ZFHX2: variants seen among roughly 807,000 people sequenced by gnomAD.
ZFHX2 encodes the protein zinc finger homeobox 2.
In ZFHX2, 75 loss-of-function variants were observed where a neutral mutation model predicts 164.8. That is an observed-to-expected ratio of 0.46 (90% CI 0.38 to 0.55). The LOEUF is 0.55. ZFHX2 is among the 20% of genes least tolerant of loss of function. The probability of loss-of-function intolerance (pLI) is 0.00; values close to 1 mark genes in which losing one functional copy is unlikely to be tolerated. For missense variants in ZFHX2, 2,933 were observed against 3,308.0 expected, an observed-to-expected ratio of 0.89 and a Z score of 2.78; for synonymous variants, 1,217 against 1,351.4, an observed-to-expected ratio of 0.90 and a Z score of 2.18.
intron 3 of ZFHX2, chr14:23,531,939 CT>C (rs555866773): frequency 9.3e-5 from 45 of 485,400 alleles, no homozygotes; most frequent in Admixed American, 5.1e-4. Flanking sequence ...CCACACCTGG[CT>C]AATTTTTGTA....
Position 23,525,473 on chromosome 14 carries a change from G to T in ZFHX2, c.4469C>A (p.Ser1490Tyr). ...LACGACGKLF[S>Y]NMLILKTHEE... ...GTGTGTCTTGAGGATAAGCATATTGGAGAAGAGTTTCCCACAGGCCCCACA... is the reference window on the plus strand; with the variant it reads ...GTGTGTCTTGAGGATAAGCATATTGTAGAAGAGTTTCCCACAGGCCCCACA... Residue 1490 changes from serine to tyrosine, a missense_variant, in exon 9 of 10, where the codon TCC becomes TAC. Coordinates refer to ENST00000419474, the MANE Select transcript of ZFHX2 (RefSeq NM_033400.3). This position sits in a 1 kb window ranked among gnomAD's most constrained non-coding sequence, Gnocchi z 5.9. 6.5e-7 allele frequency: 1 copy of T among 1,536,082 alleles called. No homozygotes were observed. Among genetic ancestry groups the T allele is most frequent in the Non-Finnish European group, 8.7e-7 (1 of 1,146,896 alleles).
chr14:23,522,564 GT>G lies in ZFHX2; in HGVS notation c.7116del (p.Gln2372HisfsTer6). 1 of 1,527,752 alleles carries G rather than the reference GT, an allele frequency of 6.5e-7. No homozygotes were observed. The highest frequency in any genetic ancestry group is 8.8e-7 in the Non-Finnish European group (1 of 1,141,830). 94.6% of individuals were successfully genotyped at this position (1,527,752 alleles called of 1,614,324 possible). ...AGCCCCTTCTTCATGCCATAGAGCT[GT>G]TGGAAGTAGGCCCCCTGTAGCTGGG... is the stretch of plus-strand genomic sequence containing the variant. ...FGPQLQGAYFQQLYGMKKGLF... is the reference protein window; with the variant it reads ...FGPQLQGAYFXQLYGMKKGLF... On this transcript the variant is annotated frameshift_variant, in exon 10 of 10. Coordinates refer to ENST00000419474, the MANE Select transcript of ZFHX2 (RefSeq NM_033400.3). LOFTEE classifies it high-confidence loss of function.
intron 1 of ZFHX2, among the ~76,000 whole-genome samples, chr14:23,537,840 G>A (rs1233749122): frequency 6.6e-6 from 1 of 152,170 alleles, no homozygotes; most frequent in Non-Finnish European, 1.5e-5. Flanking sequence ...CCACAGGGTG[G>A]GCCACACCGC....
At chr14:23,548,804 T>G (rs1297027631) in intron 1 of ZFHX2, among the ~76,000 whole-genome samples, 1 of 152,198 alleles carries the variant, frequency 6.6e-6, no homozygotes, top group Non-Finnish European at 1.5e-5. Context: ...CTTCGCCCAG[T>G]GGTATTCCTG....
intron 1 of ZFHX2, among the ~76,000 whole-genome samples, chr14:23,538,649 C>T (rs185642881): frequency 1.7e-4 from 26 of 152,202 alleles, no homozygotes; most frequent in Admixed American, 1.0e-3. Flanking sequence ...TCCCTGCGGA[C>T]ACATCTCAGA....
In ZFHX2 at chr14:23,546,335, C is replaced by G. The variant is rs1881379499; in HGVS notation, c.-50+5008G>C. ...AATACAGAAAGAGGGCTCCTGTTCT[C>G]TCATTAGACTTTGGGGTAAAAAATG... On this transcript the variant is annotated intron_variant, in intron 1 of 9. Transcript: ENST00000419474. The surrounding 1 kb of genome is among the most constrained non-coding windows in gnomAD (Gnocchi z 4.7). Among the ~76,000 whole-genome samples, 2 of 152,186 alleles carry G rather than the reference C, an allele frequency of 1.3e-5. No homozygotes were observed. The highest frequency in any genetic ancestry group is 4.8e-5 in the African/African-American group (2 of 41,442).
intron 1 of ZFHX2, chr14:23,543,620 GGGCACT>G (rs1229148203): frequency 6.6e-6 from 1 of 152,330 alleles, no homozygotes; most frequent in Non-Finnish European, 1.5e-5. Flanking sequence ...GTCCATGCAG[GGGCACT>G]GGCCATGCCC....
At chr14:23,536,771 T>G (rs1880190925) in intron 1 of ZFHX2, among the ~76,000 whole-genome samples, 1 of 152,138 alleles carries the variant, frequency 6.6e-6, no homozygotes, top group African/African-American at 2.4e-5. Context: ...AAAGTTGTGG[T>G]CTAGACTCCT....
In ZFHX2 at chr14:23,527,815, C is replaced by T. The variant is rs1040937273; in HGVS notation, c.2935-11G>A. 2.0e-6 allele frequency: 3 copies of T among 1,515,406 alleles called. No individual in the cohort carries two copies. The highest frequency in any genetic ancestry group is 2.0e-5 in the Admixed American group (1 of 50,232). 93.9% of individuals were successfully genotyped at this position (1,515,406 alleles called of 1,614,324 possible). A position where few individuals can be genotyped will look rare whatever the true frequency, so the allele number is the denominator to read the frequency against. On this transcript the variant is annotated splice_polypyrimidine_tract_variant and intron_variant, in intron 6 of 9. Transcript: ENST00000419474. ...TGGACAGCAGTATACCTGGAGGGAA[C>T]ATATGGGCAGTGGACGAAGTGTCAG...
At chr14:23,553,843 G>A (rs7342529), upstream of ZFHX2, among the ~76,000 whole-genome samples, 40 of 151,974 alleles carry the variant, frequency 2.6e-4, no homozygotes, top group African/African-American at 9.4e-4. Flanking sequence ...GCAGTGAGCC[G>A]AGATGGCGCC....
intron 1 of ZFHX2, among the ~76,000 whole-genome samples, chr14:23,538,351 A>G (rs1880420080): frequency 6.9e-6 from 1 of 144,042 alleles, no homozygotes; most frequent in South Asian, 2.3e-4. Flanking sequence ...TTCTTCTCGG[A>G]GCTTCTCCCA....
rs1881858514 is a variant in ZFHX2 at position 23,550,696 on chromosome 14, C to T, written c.-50+647G>A. ...GGATGGGGGTGGTAGGATGGGCGTG[C>T]AGGACAGACACGCTTCACCTTGAAT... On this transcript the variant is annotated intron_variant, in intron 1 of 9. Transcript: ENST00000419474. 2.6e-5 allele frequency among the ~76,000 whole-genome samples: 4 copies of T among 152,174 alleles called. No individual in the cohort carries two copies. The South Asian group carries it at 8.3e-4, about 31-fold the overall frequency.
At position 23,524,113 on chromosome 14, in the gene ZFHX2, G is replaced by A; in HGVS notation, c.5829C>T (p.Phe1943=). ...CATCTACCTTGCCTAATAAGAGGTT[G>A]AACTTGGGCAAGGATGCAGGGGTGG... ...ATATPASLPK[F]NLLLGKVDDG... Residue 1943 remains phenylalanine (F), a synonymous_variant, in exon 9 of 10, where the codon TTC becomes TTT. Coordinates refer to ENST00000419474, the MANE Select transcript of ZFHX2 (RefSeq NM_033400.3). The surrounding 1 kb of genome is among the most constrained non-coding windows in gnomAD (Gnocchi z 5.6). The A allele has an allele frequency of 1.5e-5, 23 of 1,535,100 alleles. No homozygotes were observed. Among genetic ancestry groups the A allele is most frequent in the Non-Finnish European group, 2.0e-5 (23 of 1,146,396 alleles).
At chr14:23,550,789 A>G (rs1299153725) in intron 1 of ZFHX2, among the ~76,000 whole-genome samples, 2 of 152,128 alleles carry the variant, frequency 1.3e-5, no homozygotes, top group African/African-American at 2.4e-5. Context: ...AACTTCAGCC[A>G]AAAACGAACG....
rs527638125 is a variant in ZFHX2, at chr14:23,523,636, A to G, written c.6306T>C (p.Ile2102=). 285 of 1,555,350 alleles carry G rather than the reference A, an allele frequency of 1.8e-4. 2 individuals are homozygous for G. The African/African-American group carries it at 3.5e-3, about 19-fold the overall frequency. Residue 2102 remains isoleucine (I), a synonymous_variant, in exon 9 of 10, where the codon ATT becomes ATC. Coordinates refer to ENST00000419474, the MANE Select transcript of ZFHX2 (RefSeq NM_033400.3). The surrounding 1 kb of genome is among the most constrained non-coding windows in gnomAD (Gnocchi z 4.1). ...CCTGGATGACTCTCTTGGGCAGCCC[A>G]ATCTCCTCTCCCAGCACCTCACACT... ...MQECEVLGEE[I]GLPKRVIQVW... is the part of the protein sequence containing the mutation.
intron 1 of ZFHX2, among the ~76,000 whole-genome samples, chr14:23,538,390 C>T (rs2138829358): frequency 6.6e-6 from 1 of 152,020 alleles, no homozygotes; most frequent in African/African-American, 2.4e-5. Flanking sequence ...AAACCTTTAG[C>T]TGCAGCGATT....
At chr14:23,548,529 G>A (rs995541839) in intron 1 of ZFHX2, 3 of 152,210 alleles carry the variant, frequency 2.0e-5, no homozygotes, top group Non-Finnish European at 2.9e-5. Context: ...GGCAATACCA[G>A]CAATTTATGA....
chr14:23,533,522 G>C lies in ZFHX2; in HGVS notation c.1804C>G (p.Gln602Glu), dbSNP rs909421251. The C allele has an allele frequency of 2.0e-6, 3 of 1,536,116 alleles. No homozygotes were observed. Among genetic ancestry groups the C allele is most frequent in the Non-Finnish European group, 2.6e-6 (3 of 1,146,896 alleles). ...GGTGGCAGGCCCAGCGGCAGCCCCT[G>C]GTGCAGCATTAGGACATTCTGCATG... ...KHMQNVLMLH[Q>E]GLPLGLPPGL... The change falls in exon 2 of 10, where the codon CAG (glutamine) becomes GAG (glutamate). Residue 602 changes from glutamine to glutamate, a missense_variant. Gln to Glu is a conservative substitution (Grantham distance 29, BLOSUM62 2). Coordinates refer to ENST00000419474, the MANE Select transcript of ZFHX2 (RefSeq NM_033400.3). This position sits in a 1 kb window ranked among gnomAD's most constrained non-coding sequence, Gnocchi z 4.8.
At chr14:23,530,507 G>A (rs1879402809) in intron 4 of ZFHX2, 1 of 562,754 alleles carries the variant, frequency 1.8e-6, no homozygotes, top group Admixed American at 2.4e-5. Flanking sequence ...AATGACCCAG[G>A]AAATGGGAAG....
Sources: gnomAD v4.1 joint callset for allele counts (sites outside exome capture counted in the v4.1 genomes callset) on GRCh38, gnomAD v4.1.1 for gene constraint, Gnocchi (gnomAD v3.1) non-coding constraint, MANE v1.5 for transcripts, NCBI Gene and HGNC (gene_info 2026-07-23, HGNC 2026-07-21) for gene names.